The following ATP6V1H variants were observed in gnomAD, a reference collection of about 807,000 sequenced individuals.
ATP6V1H encodes V-type proton ATPase subunit H.
Under a neutral mutation model 71.7 loss-of-function variants are expected in ATP6V1H, and 39 were observed. That is an observed-to-expected ratio of 0.54 (90% confidence interval 0.42 to 0.71). The LOEUF (loss-of-function observed/expected upper bound fraction) is 0.71. ATP6V1H is among the 30% of genes least tolerant of loss of function. The pLI is 0.00. For missense variants in ATP6V1H, 509 were observed against 594.9 expected (o/e 0.86, Z 1.50); for synonymous variants, 192 against 199.3 (o/e 0.96, Z 0.31).
intron 13 of ATP6V1H, among the ~76,000 whole-genome samples, chr8:53,726,238 T>TA (rs1806807672): frequency 6.6e-6 from 1 of 152,234 alleles, no homozygotes; most frequent in Admixed American, 6.5e-5. Context: ...ACCCATACTT[T>TA]ATATTTGCTC....
chr8:53,759,675 AC>A (rs1474095706), intron 11 of ATP6V1H, among the ~76,000 whole-genome samples: 1 of 152,214 alleles, frequency 6.6e-6, no homozygotes, highest in Non-Finnish European at 1.5e-5. Flanking sequence ...ATTCTCTTTC[AC>A]AATGTTTTCC....
In ATP6V1H at chr8:53,725,168, G is replaced by A. The variant is rs189711875; in HGVS notation, c.1392-9144C>T. Among the ~76,000 whole-genome samples, 351 of 152,208 alleles carry A rather than the reference G, an allele frequency of 2.3e-3. 2 individuals carry two copies. Among genetic ancestry groups the A allele is most frequent in the African/African-American group, 8.1e-3 (336 of 41,534 alleles). ...TCATGAGAGCTCTGCCCTCATGATC[G>A]GATTAATCCATTCATGAATTAATAG... On this transcript the variant is annotated intron_variant, in intron 13 of 13. Transcript: ENST00000359530.
chr8:53,741,776 C>A (rs1180431280), intron 13 of ATP6V1H, among the ~76,000 whole-genome samples: 2 of 152,154 alleles, frequency 1.3e-5, no homozygotes, highest in Non-Finnish European at 2.9e-5. Context: ...ATTCTTCTTG[C>A]ACTGAAGTTA....
At chr8:53,810,082 A>G (rs984889780) in intron 7 of ATP6V1H, among the ~76,000 whole-genome samples, 33 of 152,334 alleles carry the variant, frequency 2.2e-4, no homozygotes, top group African/African-American at 7.7e-4. Context: ...GAGTACCAGC[A>G]ACCAATATGG....
chr8:53,741,105 T>A (rs947361227), intron 13 of ATP6V1H, among the ~76,000 whole-genome samples: 2 of 152,114 alleles, frequency 1.3e-5, no homozygotes, highest in African/African-American at 4.8e-5. Context: ...AAAGAGCAAA[T>A]AAACCAGTAT....
intron 11 of ATP6V1H, among the ~76,000 whole-genome samples, chr8:53,765,575 A>T (rs902951621): frequency 1.3e-5 from 2 of 152,054 alleles, no homozygotes; most frequent in Non-Finnish European, 2.9e-5. Context: ...AATGTAACAA[A>T]ATATGTGCAA....
Position 53,741,889 on chromosome 8 carries a change from G to A in ATP6V1H, c.1391+1688C>T, listed in dbSNP as rs1807424894. On this transcript the variant is annotated intron_variant, in intron 13 of 13. Transcript: ENST00000359530. ...TTCTTATCTCAATGTTTATCATCTA[G>A]GCCAAGCCACCAACTACCTCAGCCC... 1.3e-5 allele frequency among the ~76,000 whole-genome samples: 2 copies of A among 152,206 alleles called. 1 individual carries two copies.
chr8:53,716,060 T>G, intron 13 of ATP6V1H, 36 bp from the exon 14 acceptor site: 1 of 1,549,036 alleles, frequency 6.5e-7, no homozygotes, highest in Non-Finnish European at 8.8e-7. Flanking sequence ...GAATGAGAAT[T>G]TCAATAGCAA....
At position 53,795,831 on chromosome 8, in the gene ATP6V1H, C is replaced by G. The variant is rs752544618; in HGVS notation, c.686G>C (p.Gly229Ala). 6 of 1,582,398 alleles carry G rather than the reference C, an allele frequency of 3.8e-6. No individual in the cohort carries two copies. The highest frequency in any genetic ancestry group is 5.1e-6 in the Non-Finnish European group (6 of 1,168,940). Residue 229 changes from glycine to alanine, a missense_variant, in exon 9 of 14, where the codon GGA (glycine) becomes GCA (alanine). This residue lies in a region of ATP6V1H where 297 missense variants were observed against 303.3 expected (regional missense o/e 0.98). Transcript: ENST00000359530. ...AAAGCCACACTTGTTACTCAACACT[C>G]CCATTATGCTGAAAAACAAACAAAC... ...VEADGVNCIM[G>A]VLSNKCGFQL...
intron 12 of ATP6V1H, among the ~76,000 whole-genome samples, chr8:53,746,937 A>G (rs1807621869): frequency 6.6e-6 from 1 of 152,254 alleles, no homozygotes; most frequent in South Asian, 2.1e-4. Flanking sequence ...AGTTAAGTCA[A>G]TAGCATGTTA....
chr8:53,753,525 C>T lies in ATP6V1H; in HGVS notation c.1277+3030G>A, dbSNP rs905583731. Among the ~76,000 whole-genome samples, 6 of 152,254 alleles carry T rather than the reference C, an allele frequency of 3.9e-5. No homozygotes were observed. The South Asian group carries it at 6.2e-4, about 16-fold the overall frequency. On this transcript the variant is annotated intron_variant, in intron 12 of 13. Coordinates refer to ENST00000359530, the MANE Select transcript of ATP6V1H (RefSeq NM_015941.4). ...GTGTGCACAACATATCCAAAAGAAACATTTGAAACACCAGCTGAGGCAGTG... is the reference window on the plus strand; with the variant it reads ...GTGTGCACAACATATCCAAAAGAAATATTTGAAACACCAGCTGAGGCAGTG...
chr8:53,796,735 C>G (rs1319014633), intron 8 of ATP6V1H, among the ~76,000 whole-genome samples: 3 of 152,120 alleles, frequency 2.0e-5, no homozygotes, highest in Admixed American at 2.0e-4. Flanking sequence ...CATACTAATG[C>G]AAGATGTTAA....
intron 10 of ATP6V1H, among the ~76,000 whole-genome samples, 191 bp downstream of exon 10, chr8:53,771,798 G>A (rs1016008963): frequency 1.1e-4 from 17 of 152,158 alleles, no homozygotes; most frequent in African/African-American, 4.1e-4. Flanking sequence ...CCGTAAATAA[G>A]AAGAGATAAC....
At chr8:53,834,915 G>A (rs1811112161) in intron 2 of ATP6V1H, among the ~76,000 whole-genome samples, 1 of 152,112 alleles carries the variant, frequency 6.6e-6, no homozygotes, top group Admixed American at 6.5e-5. Flanking sequence ...GCCAAGATGG[G>A]GGGACCCCTT....
At chr8:53,810,332 G>T (rs1810232299) in intron 7 of ATP6V1H, among the ~76,000 whole-genome samples, 1 of 152,208 alleles carries the variant, frequency 6.6e-6, no homozygotes, top group Non-Finnish European at 1.5e-5. Context: ...GCAAAGTTCA[G>T]CCATTCCCAA....
intron 2 of ATP6V1H, among the ~76,000 whole-genome samples, chr8:53,834,785 G>C (rs1331915478): frequency 6.6e-6 from 1 of 151,572 alleles, no homozygotes; most frequent in Non-Finnish European, 1.5e-5. Context: ...CCCCAAATAT[G>C]TTGAGGAATT....
In ATP6V1H at chr8:53,755,453, G is replaced by C. The variant is rs57923652; in HGVS notation, c.1277+1102C>G. ...TAGTGTGCGTGAGTCACTACACAGA[G>C]ACTTGGCAAGCACTAACCAAGCAGC... On this transcript the variant is annotated intron_variant, in intron 12 of 13. Transcript: ENST00000359530. 2.7e-3 allele frequency among the ~76,000 whole-genome samples: 375 copies of C among 139,940 alleles called. 1 individual carries two copies. The highest frequency in any genetic ancestry group is 9.2e-3 in the African/African-American group (349 of 38,012). 91.8% of individuals were successfully genotyped at this position (139,940 alleles called of 152,430 possible).
chr8:53,814,860 C>A (rs1283411385), intron 5 of ATP6V1H, 94 bp from the exon 6 acceptor site: 2 of 813,668 alleles, frequency 2.5e-6, no homozygotes, highest in Non-Finnish European at 4.0e-6. Flanking sequence ...TTTTGCTACA[C>A]AATTTCTTAA....
intron 9 of ATP6V1H, among the ~76,000 whole-genome samples, chr8:53,778,648 T>C (rs991742172): frequency 6.6e-6 from 1 of 151,958 alleles, no homozygotes; most frequent in Non-Finnish European, 1.5e-5. Context: ...AAAGCAAAAA[T>C]GGAAGATAGA....
Sources: allele counts gnomAD v4.1 joint callset (sites outside exome capture counted in the v4.1 genomes callset), GRCh38; gene constraint gnomAD v4.1.1; regional missense constraint gnomAD v4.1.1; transcripts MANE v1.5; gene names NCBI Gene and HGNC (gene_info 2026-07-23, HGNC 2026-07-21).